Variants in FAR2 observed in about 807,000 individuals in gnomAD.
FAR2 encodes the protein fatty acyl-CoA reductase 2.
FAR2 carries 19 observed loss-of-function variants against 56.0 expected under a neutral mutation model. The ratio of observed to expected loss-of-function variants is 0.34; its 90% CI spans 0.24 to 0.50. FAR2 has a LOEUF of 0.50. FAR2 is among the 20% of genes least tolerant of loss of function. The pLI, the probability that FAR2 is intolerant of heterozygous loss-of-function variation, is 0.98. For missense variants in FAR2, 508 were observed against 642.2 expected (o/e 0.79, Z 2.26); for synonymous variants, 219 against 218.8 (o/e 1.00, Z -0.01).
rs537311918 is a variant in FAR2 at position 29,180,364 on chromosome 12, G to A, written c.-39+30957G>A. Reference sequence around the variant, plus strand: ...GTATCATAAAGATACTCAAGGGTGCGCAAAATGCCTCTGAGTTCTTTGCTT... The same window carrying A: ...GTATCATAAAGATACTCAAGGGTGCACAAAATGCCTCTGAGTTCTTTGCTT... On this transcript the variant is annotated intron_variant, in intron 1 of 11. Coordinates refer to ENST00000536681, the MANE Select transcript of FAR2 (RefSeq NM_001271783.2). Among the ~76,000 whole-genome samples the A allele has an allele frequency of 1.2e-4, 19 of 152,180 alleles. No individual in the cohort carries two copies. The South Asian group carries it at 3.5e-3, about 28-fold the overall frequency.
intron 1 of FAR2, among the ~76,000 whole-genome samples, chr12:29,253,645 G>C (rs1229823360): frequency 6.6e-6 from 1 of 151,990 alleles, no homozygotes; most frequent in Non-Finnish European, 1.5e-5. Context: ...TCTTTTATTT[G>C]TAAGCTGATC....
chr12:29,219,302 C>T (rs1043756721), intron 1 of FAR2, among the ~76,000 whole-genome samples: 6 of 152,136 alleles, frequency 3.9e-5, no homozygotes, highest in African/African-American at 7.2e-5. Context: ...ATGTTCAATA[C>T]GTAAAATAAA....
At chr12:29,272,396 T>TA (rs1178475824) in intron 2 of FAR2, among the ~76,000 whole-genome samples, 3 of 152,222 alleles carry the variant, frequency 2.0e-5, no homozygotes, top group African/African-American at 7.2e-5. Context: ...TAAACTCTGA[T>TA]ATCCTTTCTT....
chr12:29,324,946 C>T (rs531960045), intron 10 of FAR2, among the ~76,000 whole-genome samples: 5 of 152,316 alleles, frequency 3.3e-5, no homozygotes, highest in South Asian at 2.1e-4. Flanking sequence ...TTAAAAGGCA[C>T]AGACTGGCAA....
At chr12:29,285,673 C>T (rs1470728517) in intron 2 of FAR2, among the ~76,000 whole-genome samples, 1 of 152,168 alleles carries the variant, frequency 6.6e-6, no homozygotes, top group Non-Finnish European at 1.5e-5. Context: ...GTAATCCCAG[C>T]ACTTTGGGAG....
intron 1 of FAR2, among the ~76,000 whole-genome samples, chr12:29,256,936 G>T (rs1196723593): frequency 6.6e-6 from 1 of 152,194 alleles, no homozygotes; most frequent in Non-Finnish European, 1.5e-5. Flanking sequence ...CTCCTCCGTG[G>T]TCTCCTGTGG....
At chr12:29,202,213 C>T (rs1947425627) in intron 1 of FAR2, among the ~76,000 whole-genome samples, 1 of 152,122 alleles carries the variant, frequency 6.6e-6, no homozygotes, top group South Asian at 2.1e-4. Context: ...TAGGAGAGGA[C>T]AAGTGACACA....
intron 1 of FAR2, among the ~76,000 whole-genome samples, chr12:29,237,490 T>C (rs958860490): frequency 6.6e-6 from 1 of 152,248 alleles, no homozygotes; most frequent in African/African-American, 2.4e-5. Flanking sequence ...TCAGCCCTTG[T>C]GCACATGTCT....
intron 3 of FAR2, 70 bp downstream of exon 3, chr12:29,293,545 A>C: frequency 8.9e-7 from 1 of 1,119,696 alleles, no homozygotes. Context: ...TAGTTTCTGT[A>C]AAAAAAAAGA....
intron 1 of FAR2, among the ~76,000 whole-genome samples, chr12:29,194,147 A>G (rs1281249911): frequency 2.0e-5 from 3 of 152,192 alleles, no homozygotes; most frequent in Middle Eastern, 3.2e-3. Context: ...AATGGAGTAT[A>G]TATTATTTCC....
intron 1 of FAR2, among the ~76,000 whole-genome samples, chr12:29,197,466 T>A (rs1950153031): frequency 6.6e-6 from 1 of 152,210 alleles, no homozygotes; most frequent in African/African-American, 2.4e-5. Flanking sequence ...CAAAGCACTA[T>A]CTCATTTAAT....
chr12:29,162,986 C>G (rs964190755), intron 1 of FAR2, among the ~76,000 whole-genome samples: 2 of 152,142 alleles, frequency 1.3e-5, no homozygotes, highest in Non-Finnish European at 2.9e-5. Context: ...CATTTGCAAT[C>G]CAGTGGAGAA....
At chr12:29,292,013 A>G (rs1435740633) in intron 2 of FAR2, among the ~76,000 whole-genome samples, 1 of 152,264 alleles carries the variant, frequency 6.6e-6, no homozygotes, top group East Asian at 1.9e-4. Flanking sequence ...GATTGAAAAT[A>G]CAATGCAACA....
chr12:29,176,404 C>T (rs769348607), intron 1 of FAR2, among the ~76,000 whole-genome samples: 4 of 152,160 alleles, frequency 2.6e-5, no homozygotes, highest in Non-Finnish European at 5.9e-5. Flanking sequence ...ACAGTGAAAG[C>T]AGGCAGGTCA....
intron 10 of FAR2, among the ~76,000 whole-genome samples, chr12:29,328,056 A>C (rs1272197162): frequency 1.3e-5 from 2 of 152,350 alleles, no homozygotes; most frequent in African/African-American, 2.4e-5. Context: ...ACAAATTTAC[A>C]AGAAAAAAAC....
At position 29,227,043 on chromosome 12, in the gene FAR2, G is replaced by A. The variant is rs201327405; in HGVS notation, c.-38-43369G>A. On this transcript the variant is annotated intron_variant, in intron 1 of 11. Coordinates refer to ENST00000536681, the MANE Select transcript of FAR2 (RefSeq NM_001271783.2). ...AAATAATGGGATTAGAAAATAAAAT[G>A]TAAAACAAATGTCACTTTCCCCCTT... Among the ~76,000 whole-genome samples, 5 of 152,268 alleles carry A rather than the reference G, an allele frequency of 3.3e-5. No homozygotes were observed. In the East Asian group the frequency reaches 7.7e-4, roughly 23 times the overall value.
intron 1 of FAR2, among the ~76,000 whole-genome samples, chr12:29,259,264 A>G (rs1439099358): frequency 1.3e-5 from 2 of 152,176 alleles, no homozygotes; most frequent in Non-Finnish European, 2.9e-5. Flanking sequence ...CATCTAATGA[A>G]GGAAGGCCGG....
In FAR2 at chr12:29,273,354, G is replaced by T. The variant is rs1948651221; in HGVS notation, c.189+2716G>T. Among the ~76,000 whole-genome samples the T allele has an allele frequency of 2.0e-5, 3 of 152,188 alleles. No individual in the cohort carries two copies. The South Asian group carries it at 6.2e-4, about 31-fold the overall frequency. On this transcript the variant is annotated intron_variant, in intron 2 of 11. Transcript: ENST00000536681. Reference sequence around the variant, plus strand: ...TCTGGCTAGAGTTATTGGAGATCCTGCAGGGAAGCCCCTCCCCCACCAACG... The same window carrying T: ...TCTGGCTAGAGTTATTGGAGATCCTTCAGGGAAGCCCCTCCCCCACCAACG...
chr12:29,274,799 T>C (rs1245147840), intron 2 of FAR2, among the ~76,000 whole-genome samples: 1 of 149,702 alleles, frequency 6.7e-6, no homozygotes, highest in Non-Finnish European at 1.5e-5. Context: ...ATCCCCCTTT[T>C]TCCTTTACCT....
Sources: allele counts gnomAD v4.1 joint callset (sites outside exome capture counted in the v4.1 genomes callset), GRCh38; gene constraint gnomAD v4.1.1; transcripts MANE v1.5; gene names NCBI Gene and HGNC (gene_info 2026-07-23, HGNC 2026-07-21).